Variants in HSPA12A observed in about 807,000 individuals in gnomAD.
HSPA12A encodes heat shock protein family A (Hsp70) member 12A, also known as heat shock 70 kDa protein 12A.
A neutral mutation model predicts 69.2 loss-of-function variants in HSPA12A; 28 were observed. The ratio of observed to expected loss-of-function variants is 0.40; its 90% CI spans 0.30 to 0.55. The LOEUF (loss-of-function observed/expected upper bound fraction) is 0.55, where lower values mean the gene tolerates loss of function less well. Among genes scored for constraint, HSPA12A ranks in the 20% least tolerant of loss-of-function variants. The probability of loss-of-function intolerance (pLI) is 0.38; values close to 1 mark genes in which losing one functional copy is unlikely to be tolerated. For synonymous variants in HSPA12A, 345 were observed against 370.5 expected (o/e 0.93, Z 0.79); for missense variants, 686 against 900.7 (o/e 0.76, Z 3.05).
chr10:116,727,535 C>G (rs1554885186), intron 1 of HSPA12A, among the ~76,000 whole-genome samples: 1 of 152,130 alleles, frequency 6.6e-6, no homozygotes, highest in African/African-American at 2.4e-5. Context: ...GGTGTGAGTA[C>G]AGGCGTCCCC....
intron 1 of HSPA12A, among the ~76,000 whole-genome samples, chr10:116,716,946 T>G (rs1374715979): frequency 6.6e-6 from 1 of 152,194 alleles, no homozygotes; most frequent in African/African-American, 2.4e-5. Flanking sequence ...TGTTTACTTT[T>G]AGGCTCTTTT....
chr10:116,783,148 T>C (rs782460651), intron 2 of HSPA12A, among the ~76,000 whole-genome samples: 1 of 152,202 alleles, frequency 6.6e-6, no homozygotes, highest in Non-Finnish European at 1.5e-5. Flanking sequence ...ACTAAGCTGT[T>C]TCTCCAGGAA....
chr10:116,736,974 A>G (rs531819956), intron 1 of HSPA12A, among the ~76,000 whole-genome samples: 12 of 152,280 alleles, frequency 7.9e-5, no homozygotes, highest in African/African-American at 2.9e-4. Flanking sequence ...ATAACAGCCA[A>G]TAATAATTGC....
At chr10:116,849,974 T>A (rs1316745878), upstream of HSPA12A, 2 of 684,508 alleles carry the variant, frequency 2.9e-6, no homozygotes, top group South Asian at 3.1e-5. Flanking sequence ...GCGCTAGGCG[T>A]ATTTGACCTG....
chr10:116,831,092 T>C (rs758883202), intron 2 of HSPA12A: 1 of 152,206 alleles, frequency 6.6e-6, no homozygotes, highest in African/African-American at 2.4e-5. Context: ...CATGACTGTA[T>C]GTATAATAGT....
At chr10:116,682,905 C>T (rs9420205) in intron 7 of HSPA12A, among the ~76,000 whole-genome samples, 44,667 of 139,908 alleles carry the variant, frequency 0.32, 7,948 homozygotes, top group African/African-American at 0.49. Context: ...TTAGTAGAGA[C>T]GGGGTTTCAC....
chr10:116,849,855 C>G (rs909404773), upstream of HSPA12A: 10 of 1,130,452 alleles, frequency 8.8e-6, no homozygotes, highest in Non-Finnish European at 1.1e-5. Context: ...GGGCCCTGGG[C>G]CTGCGTGTGC....
rs1255676018 is a variant in HSPA12A at position 116,762,796 on chromosome 10, C to T, written c.92-55511G>A. 5.3e-5 allele frequency among the ~76,000 whole-genome samples: 8 copies of T among 152,166 alleles called. No homozygotes were observed. In the South Asian group the frequency reaches 1.7e-3, roughly 31 times the overall value. On this transcript the variant is annotated intron_variant, in intron 2 of 12. Coordinates refer to the HSPA12A transcript ENST00000635765. Reference sequence around the variant, plus strand: ...ATGGAGTTTCGCCATGTTGGCCAGGCTGGTCTCGAGCTCAAATGATCCACC... The same window carrying T: ...ATGGAGTTTCGCCATGTTGGCCAGGTTGGTCTCGAGCTCAAATGATCCACC...
intron 1 of HSPA12A, among the ~76,000 whole-genome samples, chr10:116,726,021 A>ACGCGCG (rs1554884953): frequency 1.4e-4 from 7 of 50,788 alleles, no homozygotes; most frequent in African/African-American, 6.7e-4. Flanking sequence ...AGACACACAC[A>ACGCGCG]CACACGCACA....
chr10:116,748,325 C>T (rs528317606), intron 2 of HSPA12A, among the ~76,000 whole-genome samples: 2 of 151,860 alleles, frequency 1.3e-5, no homozygotes, highest in South Asian at 4.1e-4. Flanking sequence ...AGACCAATGA[C>T]CTAGAATAAG....
At chr10:116,796,163 A>AAAAAAAAAAAAG (rs1414051045) in intron 2 of HSPA12A, among the ~76,000 whole-genome samples, 22 of 138,878 alleles carry the variant, frequency 1.6e-4, no homozygotes, top group African/African-American at 6.0e-4. Context: ...AAAAAAAAAA[A>AAAAAAAAAAAAG]AAAGAAAGAA....
At chr10:116,842,789 G>A (rs1479932029) in intron 1 of HSPA12A, among the ~76,000 whole-genome samples, 1 of 152,096 alleles carries the variant, frequency 6.6e-6, no homozygotes, top group Non-Finnish European at 1.5e-5. Context: ...TTTTAATAAA[G>A]TCGGGGTTTC....
At chr10:116,769,945 G>A (rs981857865) in intron 2 of HSPA12A, among the ~76,000 whole-genome samples, 1 of 152,144 alleles carries the variant, frequency 6.6e-6, no homozygotes, top group Non-Finnish European at 1.5e-5. Flanking sequence ...GGGTATGCTC[G>A]CTTGAGAGTC....
intron 2 of HSPA12A, among the ~76,000 whole-genome samples, chr10:116,776,513 T>TAC (rs1554891171): frequency 7.2e-5 from 11 of 152,140 alleles, no homozygotes; most frequent in Admixed American, 1.3e-4. Context: ...TCAGAAAATT[T>TAC]TTTTTTTCTT....
chr10:116,786,216 A>G (rs1443842927), intron 2 of HSPA12A, among the ~76,000 whole-genome samples: 5 of 152,246 alleles, frequency 3.3e-5, no homozygotes, highest in Admixed American at 3.3e-4. Flanking sequence ...GCTGAGACAC[A>G]GTGGTAAATA....
chr10:116,849,739 C>G, exon 1 of HSPA12A: 1 of 1,505,348 alleles, frequency 6.6e-7, no homozygotes, highest in Non-Finnish European at 8.9e-7. Flanking sequence ...CTGGTAGGGA[C>G]CTGGGACAAG....
At chr10:116,737,926 C>A (rs1217603887) in intron 1 of HSPA12A, among the ~76,000 whole-genome samples, 1 of 152,224 alleles carries the variant, frequency 6.6e-6, no homozygotes, top group Non-Finnish European at 1.5e-5. Flanking sequence ...CCTTGGTCGT[C>A]TCCTCGCTGG....
At chr10:116,736,627 G>T (rs1329365172) in intron 1 of HSPA12A, among the ~76,000 whole-genome samples, 1 of 152,192 alleles carries the variant, frequency 6.6e-6, no homozygotes, top group African/African-American at 2.4e-5. Context: ...AAGGGATGTG[G>T]CAATGAAAGC....
At chr10:116,775,714 G>A (rs1397701313) in intron 2 of HSPA12A, among the ~76,000 whole-genome samples, 14 of 152,144 alleles carry the variant, frequency 9.2e-5, no homozygotes, top group Non-Finnish European at 1.5e-4. Flanking sequence ...AGGCCAGGGG[G>A]CCAGAGGATT....
Sources: gnomAD v4.1 joint callset for allele counts (sites outside exome capture counted in the v4.1 genomes callset) on GRCh38, gnomAD v4.1.1 for gene constraint, MANE v1.5 for transcripts, NCBI Gene and HGNC (gene_info 2026-07-23, HGNC 2026-07-21) for gene names.